EXOC4: variants seen among roughly 807,000 people sequenced by gnomAD.
The protein encoded by EXOC4 is SEC8-like 1.
EXOC4 carries 71 observed loss-of-function variants against 107.2 expected under a neutral mutation model. The observed-to-expected ratio is 0.66, with a 90% CI of 0.55 to 0.81. The LOEUF (loss-of-function observed/expected upper bound fraction) is 0.81. Among genes scored for constraint, EXOC4 ranks in the 30% least tolerant of loss-of-function variants. The pLI is 0.00. For synonymous variants in EXOC4, 456 were observed against 441.2 expected (o/e 1.03, Z -0.42); for missense variants, 1,108 against 1,189.6 (o/e 0.93, Z 1.01).
intron 9 of EXOC4, among the ~76,000 whole-genome samples, chr7:133,578,024 T>C (rs1173792474): frequency 6.6e-6 from 1 of 152,190 alleles, no homozygotes; most frequent in East Asian, 1.9e-4. Context: ...GCATAGGGAT[T>C]CTTTTAATAA....
chr7:133,666,056 A>G (rs1039957487), intron 10 of EXOC4, among the ~76,000 whole-genome samples: 1 of 152,162 alleles, frequency 6.6e-6, no homozygotes, highest in Non-Finnish European at 1.5e-5. Flanking sequence ...CTTTTATAGC[A>G]TGGCATAAAG....
chr7:133,812,219 G>C (rs1797249743), intron 10 of EXOC4, among the ~76,000 whole-genome samples: 1 of 152,128 alleles, frequency 6.6e-6, no homozygotes, highest in Non-Finnish European at 1.5e-5. Flanking sequence ...ATGTAAGATA[G>C]TAATTCTAAA....
intron 10 of EXOC4, among the ~76,000 whole-genome samples, chr7:133,666,440 G>A (rs1215425996): frequency 6.6e-6 from 1 of 152,108 alleles, no homozygotes; most frequent in African/African-American, 2.4e-5. Flanking sequence ...TGGACATTTT[G>A]TAGAGTCCAC....
At chr7:133,309,138 T>C (rs973304952) in intron 4 of EXOC4, among the ~76,000 whole-genome samples, 1 of 152,200 alleles carries the variant, frequency 6.6e-6, no homozygotes, top group African/African-American at 2.4e-5. Context: ...TGAAACTCCA[T>C]GATCACCTTG....
chr7:133,344,681 C>A (rs1795744904), intron 5 of EXOC4, among the ~76,000 whole-genome samples: 1 of 152,094 alleles, frequency 6.6e-6, no homozygotes, highest in Non-Finnish European at 1.5e-5. Flanking sequence ...AAGATTGTGT[C>A]TGCTTTTACA....
chr7:133,265,625 A>G (rs1199285729), intron 1 of EXOC4, among the ~76,000 whole-genome samples: 2 of 152,010 alleles, frequency 1.3e-5, no homozygotes, highest in South Asian at 4.1e-4. Context: ...TGATTTTTGG[A>G]TATGTGAAGC....
intron 13 of EXOC4, among the ~76,000 whole-genome samples, chr7:133,925,327 A>G (rs1433753718): frequency 6.6e-6 from 1 of 152,240 alleles, no homozygotes; most frequent in Non-Finnish European, 1.5e-5. Context: ...AAGGGCTTTC[A>G]TAGAAAAAAG....
chr7:133,950,209 T>C (rs1800658116), intron 14 of EXOC4, among the ~76,000 whole-genome samples: 3 of 152,188 alleles, frequency 2.0e-5, no homozygotes, highest in Non-Finnish European at 4.4e-5. Flanking sequence ...AGTAGATCTT[T>C]CAGTAAATAT....
At chr7:133,795,466 A>G (rs893921204) in intron 10 of EXOC4, among the ~76,000 whole-genome samples, 1 of 152,168 alleles carries the variant, frequency 6.6e-6, no homozygotes. Context: ...GAAAAAGGCA[A>G]ATCATGCCAG....
intron 10 of EXOC4, among the ~76,000 whole-genome samples, chr7:133,718,154 T>C (rs1013412590): frequency 1.3e-5 from 2 of 152,166 alleles, no homozygotes; most frequent in Admixed American, 6.5e-5. Flanking sequence ...AAGGGAAAAC[T>C]TACAAGGCTA....
chr7:134,087,648 C>A, the EXOC4 span, among the ~76,000 whole-genome samples: 1 of 152,152 alleles, frequency 6.6e-6, no homozygotes, highest in African/African-American at 2.4e-5. Context: ...TTACATTACC[C>A]ATGCCTCTTG....
In EXOC4 at chr7:133,525,427, C is replaced by T. The variant is rs143765757; in HGVS notation, c.1417+45289C>T. Among the ~76,000 whole-genome samples, 46 of 152,272 alleles carry T rather than the reference C, an allele frequency of 3.0e-4. 1 individual carries two copies. The highest frequency in any genetic ancestry group is 1.1e-3 in the African/African-American group (45 of 41,554). ...TGTGTATTTCAGAACAGAACAATTG[C>T]ATATGTTTCTTGGCAGATTCTTTTT... is the stretch of plus-strand genomic sequence containing the variant. On this transcript the variant is annotated intron_variant, in intron 9 of 17. Transcript: ENST00000253861.
chr7:133,264,525 TCA>T (rs1356716876), intron 1 of EXOC4, among the ~76,000 whole-genome samples: 1 of 152,162 alleles, frequency 6.6e-6, no homozygotes, highest in Non-Finnish European at 1.5e-5. Flanking sequence ...AAATAAGCAA[TCA>T]CAATGTATAA....
At chr7:133,728,056 G>T (rs1198131448) in intron 10 of EXOC4, among the ~76,000 whole-genome samples, 1 of 152,134 alleles carries the variant, frequency 6.6e-6, no homozygotes, top group Non-Finnish European at 1.5e-5. Context: ...ATGAGTATCT[G>T]ATTCTTCCTT....
At chr7:133,843,301 G>A (rs898196766) in intron 11 of EXOC4, among the ~76,000 whole-genome samples, 3 of 152,064 alleles carry the variant, frequency 2.0e-5, no homozygotes, top group African/African-American at 7.2e-5. Flanking sequence ...CTATCCATGA[G>A]CATGGAATGT....
intron 17 of EXOC4, among the ~76,000 whole-genome samples, chr7:134,053,162 C>T (rs750849559): frequency 5.3e-5 from 8 of 151,200 alleles, no homozygotes; most frequent in Admixed American, 1.3e-4. Context: ...GGCGTGAACC[C>T]GGGAGGCGGA....
chr7:133,775,625 A>G (rs1325698046), intron 10 of EXOC4, among the ~76,000 whole-genome samples: 1 of 152,166 alleles, frequency 6.6e-6, no homozygotes, highest in African/African-American at 2.4e-5. Context: ...TCTTTGTATT[A>G]AGTACAGAGG....
chr7:133,878,070 A>T (rs1344165767), intron 11 of EXOC4, among the ~76,000 whole-genome samples: 2 of 152,216 alleles, frequency 1.3e-5, no homozygotes, highest in Non-Finnish European at 2.9e-5. Flanking sequence ...AAGCTATTTT[A>T]TACTGAAATA....
At chr7:133,519,299 C>T (rs1383558033) in intron 9 of EXOC4, among the ~76,000 whole-genome samples, 1 of 151,910 alleles carries the variant, frequency 6.6e-6, no homozygotes, top group African/African-American at 2.4e-5. Flanking sequence ...CCTGAAGTTC[C>T]TACTCAGGAG....
Sources: gnomAD v4.1 joint callset for allele counts (sites outside exome capture counted in the v4.1 genomes callset) on GRCh38, gnomAD v4.1.1 for gene constraint, MANE v1.5 for transcripts, NCBI Gene and HGNC (gene_info 2026-07-23, HGNC 2026-07-21) for gene names.